Variants in GRXCR2 observed in about 807,000 individuals in gnomAD.
GRXCR2 encodes the protein glutaredoxin and cysteine rich domain containing 2.
In GRXCR2, 23 loss-of-function variants were observed where a neutral mutation model predicts 24.8. The observed-to-expected ratio is 0.93, with a 90% CI of 0.67 to 1.32. The LOEUF is 1.32. Among genes scored for constraint, GRXCR2 ranks in the 40% most tolerant of loss-of-function variants. GRXCR2 has a pLI of 0.00. For synonymous variants in GRXCR2, 130 were observed against 116.1 expected, an observed-to-expected ratio of 1.12 and a Z score of -0.77; for missense variants, 315 against 303.4, an observed-to-expected ratio of 1.04 and a Z score of -0.28.
chr5:145,915,413 A>G (rs1419315841), intron 2 of GRXCR2, among the ~76,000 whole-genome samples: 5 of 152,140 alleles, frequency 3.3e-5, no homozygotes, highest in Admixed American at 3.3e-4. Flanking sequence ...CAAAAACCAG[A>G]GATTATTCTC....
At chr5:145,871,219 A>T (rs920499344) in intron 1 of GRXCR2, among the ~76,000 whole-genome samples, 2 of 152,226 alleles carry the variant, frequency 1.3e-5, no homozygotes, top group African/African-American at 2.4e-5. Flanking sequence ...TACAAATAAG[A>T]CATAGTTAAA....
At chr5:145,892,050 C>G (rs899622187) in intron 2 of GRXCR2, among the ~76,000 whole-genome samples, 1 of 152,126 alleles carries the variant, frequency 6.6e-6, no homozygotes, top group African/African-American at 2.4e-5. Flanking sequence ...CAGCAAACTC[C>G]AACAGACCTG....
intron 2 of GRXCR2, among the ~76,000 whole-genome samples, chr5:145,882,726 T>A (rs1371022338): frequency 6.6e-6 from 1 of 152,130 alleles, no homozygotes; most frequent in Non-Finnish European, 1.5e-5. Flanking sequence ...TGCACACGTA[T>A]GTTTATTGTG....
At chr5:145,914,279 A>G (rs1757205148) in intron 2 of GRXCR2, among the ~76,000 whole-genome samples, 1 of 152,080 alleles carries the variant, frequency 6.6e-6, no homozygotes, top group South Asian at 2.1e-4. Flanking sequence ...TCTCTTCCCT[A>G]CTTCTTCCTT....
At chr5:145,906,288 T>C (rs1047416250) in intron 2 of GRXCR2, among the ~76,000 whole-genome samples, 2 of 151,522 alleles carry the variant, frequency 1.3e-5, no homozygotes, top group African/African-American at 4.9e-5. Flanking sequence ...GGTCCAGGGA[T>C]GGGCACCTGA....
At chr5:145,884,151 C>T (rs927135139) in intron 2 of GRXCR2, among the ~76,000 whole-genome samples, 8 of 151,964 alleles carry the variant, frequency 5.3e-5, no homozygotes, top group African/African-American at 1.9e-4. Flanking sequence ...CAAAAATCTT[C>T]AATATTTAAG....
At chr5:145,889,876 C>A (rs185712632) in intron 2 of GRXCR2, among the ~76,000 whole-genome samples, 2 of 152,206 alleles carry the variant, frequency 1.3e-5, no homozygotes, top group East Asian at 3.9e-4. Context: ...AAAAAGACAG[C>A]AAAGCAGTCC....
In GRXCR2 at chr5:145,873,012, G is replaced by A. The variant is rs763543547; in HGVS notation, c.-44C>T. On this transcript the variant is annotated 5_prime_UTR_variant, in exon 1 of 3. Transcript: ENST00000377976. ...GTGGTCTCCAGCCTTCCGTGCAGCCGGTGAAACTTGGGCCTCTGAGAAAAA... is the reference window on the plus strand; with the variant it reads ...GTGGTCTCCAGCCTTCCGTGCAGCCAGTGAAACTTGGGCCTCTGAGAAAAA... 55 of 1,503,038 alleles carry A rather than the reference G, an allele frequency of 3.7e-5. No homozygotes were observed. Among genetic ancestry groups the A allele is most frequent in the Middle Eastern group, 3.5e-4 (2 of 5,758 alleles). The allele number at this position is 1,503,038 out of a possible 1,614,324, so 93.1% of individuals were successfully genotyped here.
chr5:145,881,216 A>G (rs1302361731), intron 2 of GRXCR2, among the ~76,000 whole-genome samples: 1 of 152,232 alleles, frequency 6.6e-6, no homozygotes, highest in African/African-American at 2.4e-5. Context: ...AGGGTATTCA[A>G]TTAGGAAAAG....
At chr5:145,889,237 A>AAAGAAAGAAAGG (rs1554105359) in intron 2 of GRXCR2, among the ~76,000 whole-genome samples, 1 of 151,182 alleles carries the variant, frequency 6.6e-6, no homozygotes, top group Non-Finnish European at 1.5e-5. Context: ...AGAAAGAAAG[A>AAAGAAAGAAAGG]AAGAAAGAAT....
intron 2 of GRXCR2, among the ~76,000 whole-genome samples, chr5:145,865,727 C>G (rs935029963): frequency 2.0e-5 from 3 of 152,144 alleles, no homozygotes; most frequent in Admixed American, 2.0e-4. Context: ...AAAGGATACT[C>G]CTTAGTTTTA....
intron 2 of GRXCR2, among the ~76,000 whole-genome samples, chr5:145,880,140 A>G (rs1158938298): frequency 4.6e-5 from 7 of 152,202 alleles, no homozygotes; most frequent in Non-Finnish European, 8.8e-5. Context: ...AGAACTAGAG[A>G]AGAAAGAGCA....
At chr5:145,888,795 T>C (rs1413829673) in intron 2 of GRXCR2, among the ~76,000 whole-genome samples, 2 of 152,186 alleles carry the variant, frequency 1.3e-5, no homozygotes, top group Non-Finnish European at 2.9e-5. Flanking sequence ...AAAACATAAG[T>C]GAAGTTATAC....
At chr5:145,927,185 T>C (rs1757411072) in intron 2 of GRXCR2, among the ~76,000 whole-genome samples, 1 of 152,192 alleles carries the variant, frequency 6.6e-6, no homozygotes, top group South Asian at 2.1e-4. Flanking sequence ...CAGGGACAAT[T>C]TGACTTCCTC....
At position 145,859,484 on chromosome 5, in the gene GRXCR2, T is replaced by C. The variant is rs1315536310; in HGVS notation, c.*249A>G. ...CAAGTGAGATACACTCACACCATCC[T>C]GGAAGGATAATTTTAGAACCAGTTT... On this transcript the variant is annotated 3_prime_UTR_variant, in exon 3 of 3. Coordinates refer to ENST00000377976, the MANE Select transcript of GRXCR2 (RefSeq NM_001080516.2). 5 of 550,816 alleles carry C rather than the reference T, an allele frequency of 9.1e-6. No homozygotes were observed. In the African/African-American group the frequency reaches 9.5e-5, roughly 10 times the overall value. 34.1% of individuals were successfully genotyped at this position (550,816 alleles called of 1,614,324 possible). A position where few individuals can be genotyped will look rare whatever the true frequency, so the allele number is the denominator to read the frequency against.
chr5:145,863,994 C>A (rs919034884), intron 2 of GRXCR2, among the ~76,000 whole-genome samples: 1 of 152,188 alleles, frequency 6.6e-6, no homozygotes, highest in Non-Finnish European at 1.5e-5. Context: ...GCCAGGCCTG[C>A]CCTCATGGAG....
At chr5:145,894,108 A>G (rs2149920172) in intron 2 of GRXCR2, among the ~76,000 whole-genome samples, 1 of 152,354 alleles carries the variant, frequency 6.6e-6, no homozygotes, top group East Asian at 1.9e-4. Context: ...ACAACATACC[A>G]GAATCTCTGG....
At chr5:145,882,302 A>G (rs944058955) in intron 2 of GRXCR2, among the ~76,000 whole-genome samples, 7 of 152,216 alleles carry the variant, frequency 4.6e-5, no homozygotes, top group Non-Finnish European at 7.3e-5. Context: ...AGAATCTACA[A>G]TGAACTCAAA....
chr5:145,923,277 A>G (rs542301741), intron 2 of GRXCR2, among the ~76,000 whole-genome samples: 2 of 152,356 alleles, frequency 1.3e-5, no homozygotes, highest in East Asian at 3.9e-4. Context: ...ATATTGGCCT[A>G]TAATATGATT....
Sources: allele counts gnomAD v4.1 joint callset (sites outside exome capture counted in the v4.1 genomes callset), GRCh38; gene constraint gnomAD v4.1.1; transcripts MANE v1.5; gene names NCBI Gene and HGNC (gene_info 2026-07-23, HGNC 2026-07-21).